The following SLC6A17 variants were observed in gnomAD, a reference collection of about 807,000 sequenced individuals.
SLC6A17 encodes the protein solute carrier family 6 member 17, also known as sodium-dependent neutral amino acid transporter SLC6A17.
In SLC6A17, 21 loss-of-function variants were observed where a neutral mutation model predicts 64.5. The observed-to-expected ratio is 0.33, with a 90% confidence interval of 0.23 to 0.47. The LOEUF is 0.47. SLC6A17 is among the 20% of genes least tolerant of loss of function. SLC6A17 has a pLI of 1.00. For synonymous variants in SLC6A17, 372 were observed against 399.5 expected (o/e 0.93, Z 0.82); for missense variants, 682 against 963.2 (o/e 0.71, Z 3.86).
At chr1:110,171,898 C>T (rs1656234569) in intron 2 of SLC6A17, among the ~76,000 whole-genome samples, 162 bp from the exon 3 acceptor site, 2 of 152,190 alleles carry the variant, frequency 1.3e-5, no homozygotes, top group East Asian at 1.9e-4. Context: ...GTGTGGTAGG[C>T]CACACGTATG....
chr1:110,173,936 T>C (rs1410173813), intron 3 of SLC6A17, 37 bp from the exon 4 acceptor site: 4 of 1,589,984 alleles, frequency 2.5e-6, no homozygotes, highest in Non-Finnish European at 3.4e-6. Context: ...TGGAGTTGCC[T>C]GCAGCCTCAG....
In SLC6A17 at chr1:110,172,186, G is replaced by A. The variant is rs779115935; in HGVS notation, c.413G>A (p.Arg138His). The A allele has an allele frequency of 2.1e-5, 33 of 1,604,512 alleles. No homozygotes were observed. Among genetic ancestry groups the A allele is most frequent in the South Asian group, 3.3e-5 (3 of 89,594 alleles). The change falls in exon 3 of 12, where the codon CGC becomes CAC. Residue 138 changes from arginine (R) to histidine (H), a missense_variant. Physicochemically the swap from Arg to His is conservative, Grantham distance 29. Transcript: ENST00000331565. Reference protein sequence around the residue: ...SIGVWHYICPRLGGIGFSSCI... With the variant: ...SIGVWHYICPHLGGIGFSSCI... ...GGTGTGTGGCACTATATATGTCCCC[G>A]CCTGGGGGGCATCGGCTTCTCCAGC...
At chr1:110,191,379 A>G (rs916841366) in intron 6 of SLC6A17, among the ~76,000 whole-genome samples, 12 of 152,210 alleles carry the variant, frequency 7.9e-5, no homozygotes, top group Non-Finnish European at 4.4e-5. Flanking sequence ...GTGAGGGCAG[A>G]TGGAAGCTTA....
At chr1:110,169,627 G>T (rs1310868916) in intron 2 of SLC6A17, among the ~76,000 whole-genome samples, 1 of 152,046 alleles carries the variant, frequency 6.6e-6, no homozygotes, top group Non-Finnish European at 1.5e-5. Context: ...CCGAGGCATA[G>T]ATGATTAGAG....
At chr1:110,163,018 T>TAAAAA (rs67702050) in intron 1 of SLC6A17, among the ~76,000 whole-genome samples, 1 of 102,204 alleles carries the variant, frequency 9.8e-6, no homozygotes, top group African/African-American at 3.9e-5. Context: ...CCCATGTTGG[T>TAAAAA]AAAAAAAAAA....
At chr1:110,197,939 G>A (rs536193043) in intron 11 of SLC6A17, 137 bp from the exon 12 acceptor site, 2 of 1,426,132 alleles carry the variant, frequency 1.4e-6, no homozygotes, top group Admixed American at 4.7e-5. Flanking sequence ...CCCCATCCTT[G>A]GCTGTGCCTG....
Position 110,198,482 on chromosome 1 carries a change from C to A in SLC6A17, c.*38C>A. The A allele has an allele frequency of 1.9e-6, 3 of 1,573,108 alleles. No homozygotes were observed. The South Asian group carries it at 3.6e-5, about 19-fold the overall frequency. On this transcript the variant is annotated 3_prime_UTR_variant, in exon 12 of 12. Transcript: ENST00000331565. ...CCCTGCCCGCCTCTCCCCCCACGCT[C>A]AACCTGCCCACTTGTCCAGGCCTGG...
chr1:110,198,703 C>A lies in SLC6A17; in HGVS notation c.*259C>A. On this transcript the variant is annotated 3_prime_UTR_variant, in exon 12 of 12. Transcript: ENST00000331565. ...CCAAGAGCCTCCGCCAAATTGTAGC[C>A]ATGTAATTGGAACAACCCATAAGGC... 2.0e-6 allele frequency: 1 copy of A among 488,674 alleles called. No individual in the cohort carries two copies. The highest frequency in any genetic ancestry group is 3.5e-6 in the Non-Finnish European group (1 of 286,086). 30.3% of individuals were successfully genotyped at this position (488,674 alleles called of 1,614,324 possible).
At chr1:110,158,576 A>G (rs1180968731) in intron 1 of SLC6A17, among the ~76,000 whole-genome samples, 2 of 152,224 alleles carry the variant, frequency 1.3e-5, no homozygotes, top group African/African-American at 4.8e-5. Flanking sequence ...ACCTCATTTT[A>G]TACTCATGAC....
At chr1:110,155,676 T>G (rs1347240205) in intron 1 of SLC6A17, among the ~76,000 whole-genome samples, 2 of 152,342 alleles carry the variant, frequency 1.3e-5, no homozygotes, top group Non-Finnish European at 2.9e-5. Context: ...CCTAGCAGTT[T>G]ATTTGAAGAT....
chr1:110,195,064 G>T, intron 9 of SLC6A17: 1 of 478,970 alleles, frequency 2.1e-6, no homozygotes, highest in South Asian at 2.1e-5. Context: ...TGGGAAGTGG[G>T]TGCTGAGTCG....
intron 6 of SLC6A17, among the ~76,000 whole-genome samples, chr1:110,185,330 C>T (rs1254228750): frequency 6.6e-6 from 1 of 152,224 alleles, no homozygotes; most frequent in Non-Finnish European, 1.5e-5. Context: ...TGACACTGTT[C>T]TTGGGCAGCG....
chr1:110,174,032 C>T lies in SLC6A17; in HGVS notation c.504C>T (p.Phe168=). 2 of 1,614,208 alleles carry T rather than the reference C, an allele frequency of 1.2e-6. No individual in the cohort carries two copies. Among genetic ancestry groups the T allele is most frequent in the Non-Finnish European group, 1.7e-6 (2 of 1,180,050 alleles). The change falls in exon 4 of 12, where the codon TTC becomes TTT. Residue 168 remains phenylalanine (F), a synonymous_variant. Transcript: ENST00000331565. ...TCATCGGGTGGAGCATCTTCTATTT[C>T]TTCAAGTCCTTCCAGTACCCGCTGC... ...NVIIGWSIFY[F]FKSFQYPLPW...
chr1:110,163,964 C>CGGTGTG (rs1484126241), intron 1 of SLC6A17, among the ~76,000 whole-genome samples: 1 of 152,120 alleles, frequency 6.6e-6, no homozygotes, highest in Non-Finnish European at 1.5e-5. Context: ...TCCACCCCTC[C>CGGTGTG]GGTGTGACTC....
At chr1:110,165,554 G>A (rs1435418522) in intron 1 of SLC6A17, among the ~76,000 whole-genome samples, 1 of 152,176 alleles carries the variant, frequency 6.6e-6, no homozygotes, top group Non-Finnish European at 1.5e-5. Context: ...CCTGGCCTAC[G>A]GAGGGCTAGC....
At chr1:110,175,026 G>T (rs1017510428) in intron 5 of SLC6A17, 66 bp downstream of exon 5, 7 of 1,544,770 alleles carry the variant, frequency 4.5e-6, no homozygotes, top group Non-Finnish European at 6.1e-6. Flanking sequence ...AGGGCACAGG[G>T]CTAAGAATTC....
chr1:110,176,658 C>T lies in SLC6A17; in HGVS notation c.783C>T (p.Tyr261=), dbSNP rs138764266. The T allele has an allele frequency of 1.8e-5, 29 of 1,614,110 alleles. No individual in the cohort carries two copies. Among genetic ancestry groups the T allele is most frequent in the African/African-American group, 6.7e-5 (5 of 75,028 alleles). ...TGTATTTCAGCTCCCTCTTCCCCTA[C>T]GTGGTGCTGGCCTGCTTCCTGGTCC... is the stretch of plus-strand genomic sequence containing the variant. ...KVMYFSSLFP[Y]VVLACFLVRG... Residue 261 remains tyrosine (Y), a synonymous_variant, in exon 6 of 12, where the codon TAC becomes TAT. Coordinates refer to ENST00000331565, the MANE Select transcript of SLC6A17 (RefSeq NM_001010898.4).
At chr1:110,169,719 C>G (rs536057884) in intron 2 of SLC6A17, among the ~76,000 whole-genome samples, 1 of 152,190 alleles carries the variant, frequency 6.6e-6, no homozygotes, top group Admixed American at 6.5e-5. Flanking sequence ...CCCCGCTATT[C>G]GGATGAACAA....
chr1:110,188,822 C>T (rs567569077), intron 6 of SLC6A17, among the ~76,000 whole-genome samples: 35 of 152,374 alleles, frequency 2.3e-4, no homozygotes, highest in Non-Finnish European at 4.6e-4. Context: ...TGCTTACCCA[C>T]ATTGCCTCCA....
Sources: gnomAD v4.1 joint callset for allele counts (sites outside exome capture counted in the v4.1 genomes callset) on GRCh38, gnomAD v4.1.1 for gene constraint, MANE v1.5 for transcripts, NCBI Gene and HGNC (gene_info 2026-07-23, HGNC 2026-07-21) for gene names.